The following TRAPPC3L variants were observed in gnomAD, a reference collection of about 807,000 sequenced individuals.
TRAPPC3L encodes the protein trafficking protein particle complex subunit 3-like protein.
TRAPPC3L carries 23 observed loss-of-function variants against 23.7 expected under a neutral mutation model. The observed-to-expected ratio is 0.97, with a 90% CI of 0.70 to 1.37. The LOEUF (loss-of-function observed/expected upper bound fraction) is 1.37. Among genes scored for constraint, TRAPPC3L ranks in the 40% most tolerant of loss-of-function variants. The pLI is 0.00. For missense variants in TRAPPC3L, 212 were observed against 216.8 expected (o/e 0.98, Z 0.14); for synonymous variants, 81 against 77.9 (o/e 1.04, Z -0.21).
chr6:116,535,010 T>G (rs1376827950), intron 3 of TRAPPC3L, among the ~76,000 whole-genome samples: 2 of 152,306 alleles, frequency 1.3e-5, no homozygotes, highest in East Asian at 3.9e-4. Flanking sequence ...GACATGGACC[T>G]GAGAGCAAAA....
intron 3 of TRAPPC3L, among the ~76,000 whole-genome samples, chr6:116,537,284 A>C (rs774407016): frequency 6.6e-6 from 1 of 152,188 alleles, no homozygotes; most frequent in Non-Finnish European, 1.5e-5. Flanking sequence ...ATAAGACATG[A>C]AAATCTTAGA....
chr6:116,532,350 G>A (rs1229946122), intron 3 of TRAPPC3L, among the ~76,000 whole-genome samples: 1 of 152,176 alleles, frequency 6.6e-6, no homozygotes, highest in African/African-American at 2.4e-5. Flanking sequence ...ATCCTTCCGC[G>A]TCTTGCCTCC....
chr6:116,510,670 A>G (rs972315849), intron 3 of TRAPPC3L, among the ~76,000 whole-genome samples: 6 of 152,202 alleles, frequency 3.9e-5, no homozygotes, highest in African/African-American at 1.4e-4. Context: ...TATCTATCCA[A>G]AGAAAAAGAA....
chr6:116,528,098 C>A (rs1481530117), intron 3 of TRAPPC3L, among the ~76,000 whole-genome samples: 2 of 152,178 alleles, frequency 1.3e-5, no homozygotes, highest in African/African-American at 4.8e-5. Flanking sequence ...AGAGGCAGTG[C>A]TAAGTTATTT....
At chr6:116,503,830 A>G (rs1351751486) in intron 3 of TRAPPC3L, among the ~76,000 whole-genome samples, 1 of 152,176 alleles carries the variant, frequency 6.6e-6, no homozygotes, top group Non-Finnish European at 1.5e-5. Context: ...CCAATGAGAA[A>G]AAAGGCACAA....
chr6:116,540,085 C>T (rs763232001), intron 3 of TRAPPC3L, among the ~76,000 whole-genome samples: 8 of 152,172 alleles, frequency 5.3e-5, no homozygotes, highest in Non-Finnish European at 8.8e-5. Context: ...TATTACACTC[C>T]CCTTCTGTTT....
Position 116,512,461 on chromosome 6 carries a change from A to C in TRAPPC3L, c.241-11795T>G, listed in dbSNP as rs940323865. ...TCTCTTTTCCGGTTCTGAAAAGAAA[A>C]TATCCACTGGATTGTCCACATATAA... On this transcript the variant is annotated intron_variant, in intron 3 of 4. Transcript: ENST00000368602. 6 of 525,654 alleles carry C rather than the reference A, an allele frequency of 1.1e-5. 1 individual carries two copies. Among genetic ancestry groups the C allele is most frequent in the Non-Finnish European group, 6.7e-6 (2 of 296,678 alleles). The allele number at this position is 525,654 out of a possible 1,614,324, so 32.6% of individuals were successfully genotyped here.
At chr6:116,541,777 TG>T (rs1414753263) in intron 2 of TRAPPC3L, among the ~76,000 whole-genome samples, 1 of 152,178 alleles carries the variant, frequency 6.6e-6, no homozygotes, top group African/African-American at 2.4e-5. Flanking sequence ...GCTCAGCAAC[TG>T]GGAACAGTGG....
At chr6:116,531,869 TATTTATATTTA>T (rs941823519) in intron 3 of TRAPPC3L, among the ~76,000 whole-genome samples, 71 of 149,488 alleles carry the variant, frequency 4.7e-4, no homozygotes, top group Non-Finnish European at 8.6e-4. Flanking sequence ...AATTAAAATT[TATTTATATTTA>T]ATTTATATTT....
At chr6:116,512,005 C>T in intron 3 of TRAPPC3L, 1 of 1,613,936 alleles carries the variant, frequency 6.2e-7, no homozygotes, top group Non-Finnish European at 8.5e-7. Context: ...TCGGCCAGAT[C>T]ACTCTGAGCT....
intron 3 of TRAPPC3L, among the ~76,000 whole-genome samples, chr6:116,507,676 T>C (rs1182502471): frequency 6.6e-6 from 1 of 152,098 alleles, no homozygotes; most frequent in Non-Finnish European, 1.5e-5. Context: ...AGGTATCCCC[T>C]GTGGGTCTTG....
chr6:116,497,125 A>C, intron 4 of TRAPPC3L, 52 bp from the exon 5 acceptor site: 1 of 1,496,428 alleles, frequency 6.7e-7, no homozygotes, highest in South Asian at 1.3e-5. Flanking sequence ...AAAACAAAAA[A>C]CTAAATTTTC....
At chr6:116,512,075 T>A (rs1188664868) in intron 3 of TRAPPC3L, 1 of 1,614,030 alleles carries the variant, frequency 6.2e-7, no homozygotes. Flanking sequence ...TTTCTATGAA[T>A]GTGCCATGAG....
chr6:116,515,882 C>G (rs1172441555), intron 3 of TRAPPC3L: 2 of 1,613,944 alleles, frequency 1.2e-6, no homozygotes, highest in East Asian at 4.5e-5. Context: ...CCACCAAAGC[C>G]AGCAACACTA....
chr6:116,505,949 T>C (rs560512465), intron 3 of TRAPPC3L, among the ~76,000 whole-genome samples: 4 of 152,294 alleles, frequency 2.6e-5, no homozygotes, highest in East Asian at 3.9e-4. Context: ...ATTCAGGACA[T>C]AGGCATGGGC....
intron 3 of TRAPPC3L, among the ~76,000 whole-genome samples, chr6:116,505,655 T>TGGTACC (rs1415835643): frequency 1.3e-5 from 2 of 152,292 alleles, no homozygotes; most frequent in Non-Finnish European, 2.9e-5. Flanking sequence ...AGCATGGTAC[T>TGGTACC]GGTACCAAAA....
chr6:116,545,352 C>T (rs1160187637), intron 1 of TRAPPC3L, 121 bp downstream of exon 1: 2 of 733,428 alleles, frequency 2.7e-6, no homozygotes, highest in Non-Finnish European at 4.4e-6. Flanking sequence ...ATTCACTTCG[C>T]TGAACACTGT....
chr6:116,545,616 T>C lies in TRAPPC3L; in HGVS notation c.-102A>G. On this transcript the variant is annotated 5_prime_UTR_variant, in exon 1 of 5. Transcript: ENST00000368602. ...CTTTTTGTTTTGTTTTTGTAAGCTC[T>C]TCCTCGCTTTGAGACAGGAGTGCTG... 1 of 1,058,548 alleles carries C rather than the reference T, an allele frequency of 9.4e-7. No individual in the cohort carries two copies. Among genetic ancestry groups the C allele is most frequent in the South Asian group, 1.6e-5 (1 of 61,690 alleles). The allele number at this position is 1,058,548 out of a possible 1,614,324, so 65.6% of individuals were successfully genotyped here.
intron 2 of TRAPPC3L, 79 bp downstream of exon 2, chr6:116,543,220 AAAGG>A: frequency 1.0e-6 from 1 of 994,694 alleles, no homozygotes; most frequent in Non-Finnish European, 1.5e-6. Context: ...GAAATGAAGC[AAAGG>A]AAGTCATTAG....
Sources: gnomAD v4.1 joint callset for allele counts (sites outside exome capture counted in the v4.1 genomes callset) on GRCh38, gnomAD v4.1.1 for gene constraint, MANE v1.5 for transcripts, NCBI Gene and HGNC (gene_info 2026-07-23, HGNC 2026-07-21) for gene names.